TBC1D7: variants seen among roughly 807,000 people sequenced by gnomAD.
TBC1D7 encodes TBC domain family 7.
Under a neutral mutation model 35.3 loss-of-function variants are expected in TBC1D7, and 33 were observed. The ratio of observed to expected loss-of-function variants is 0.93; its 90% CI spans 0.71 to 1.25. The LOEUF (loss-of-function observed/expected upper bound fraction) is 1.25, where lower values mean the gene tolerates loss of function less well. Ranked by LOEUF, TBC1D7 falls within the 50% of genes most tolerant of loss-of-function variation. TBC1D7 has a pLI of 0.00. For missense variants in TBC1D7, 362 were observed against 365.3 expected, an observed-to-expected ratio of 0.99 and a Z score of 0.07; for synonymous variants, 135 against 129.5, an observed-to-expected ratio of 1.04 and a Z score of -0.29.
chr6:13,306,265 C>T, intron 7 of TBC1D7, 133 bp downstream of exon 7: 10 of 627,658 alleles, frequency 1.6e-5, no homozygotes, highest in Non-Finnish European at 2.5e-5. Flanking sequence ...TAATTATTCT[C>T]TGAAACATTC....
intron 5 of TBC1D7, among the ~76,000 whole-genome samples, chr6:13,315,348 T>A (rs891313366): frequency 6.6e-6 from 1 of 152,226 alleles, no homozygotes; most frequent in Admixed American, 6.5e-5. Flanking sequence ...TATTTAATTT[T>A]CCTTATGATT....
At chr6:13,325,380 C>T (rs998926463) in intron 2 of TBC1D7, among the ~76,000 whole-genome samples, 7 of 152,142 alleles carry the variant, frequency 4.6e-5, no homozygotes, top group African/African-American at 7.2e-5. Flanking sequence ...AAACAATTTG[C>T]GGCCAGGCAC....
intron 5 of TBC1D7, among the ~76,000 whole-genome samples, chr6:13,308,618 ACACT>A (rs1189006603): frequency 6.6e-6 from 1 of 152,212 alleles, no homozygotes; most frequent in African/African-American, 2.4e-5. Context: ...CCTAAAGTCC[ACACT>A]CACTATCTGC....
intron 5 of TBC1D7, among the ~76,000 whole-genome samples, chr6:13,312,872 G>T (rs1278888752): frequency 1.3e-5 from 2 of 150,564 alleles, no homozygotes; most frequent in Non-Finnish European, 2.9e-5. Flanking sequence ...TTCAACAAAC[G>T]TAAGGGATAA....
chr6:13,311,330 T>C (rs769372352), intron 5 of TBC1D7, among the ~76,000 whole-genome samples: 4 of 152,204 alleles, frequency 2.6e-5, no homozygotes, highest in Non-Finnish European at 5.9e-5. Context: ...CAGAATTCAA[T>C]TTGAAAAGCT....
At chr6:13,326,443 A>G (rs1784409889) in intron 2 of TBC1D7, among the ~76,000 whole-genome samples, 2 of 151,608 alleles carry the variant, frequency 1.3e-5, no homozygotes, top group African/African-American at 2.4e-5. Flanking sequence ...AGCCTGGGCA[A>G]CAGAGTCAGA....
At chr6:13,321,564 A>C (rs1309014654) in intron 3 of TBC1D7, among the ~76,000 whole-genome samples, 2 of 152,232 alleles carry the variant, frequency 1.3e-5, no homozygotes, top group African/African-American at 4.8e-5. Context: ...CCTATCCTCC[A>C]GGTCACAAAA....
At chr6:13,316,425 A>G in intron 5 of TBC1D7, 146 bp downstream of exon 5, 1 of 852,928 alleles carries the variant, frequency 1.2e-6, no homozygotes, top group Non-Finnish European at 1.8e-6. Flanking sequence ...TTTAGATTAT[A>G]TGGACTTTTA....
intron 5 of TBC1D7, among the ~76,000 whole-genome samples, chr6:13,315,880 C>T (rs113407107): frequency 0.014 from 2,115 of 152,300 alleles, 49 homozygotes; most frequent in African/African-American, 0.048. Flanking sequence ...TGGGTCAGTT[C>T]TCCTAAACCT....
At chr6:13,322,959 G>C (rs1254683379) in intron 3 of TBC1D7, among the ~76,000 whole-genome samples, 1 of 152,192 alleles carries the variant, frequency 6.6e-6, no homozygotes, top group African/African-American at 2.4e-5. Context: ...AGATCCCTAA[G>C]TAATCAAAAC....
chr6:13,313,431 A>T (rs938393372), intron 5 of TBC1D7, among the ~76,000 whole-genome samples: 3 of 152,316 alleles, frequency 2.0e-5, no homozygotes, highest in Middle Eastern at 3.4e-3. Context: ...TAGGAGCATA[A>T]ATTGATATGG....
intron 4 of TBC1D7, chr6:13,319,669 T>C (rs1462984548): frequency 6.6e-6 from 1 of 152,178 alleles, no homozygotes. Context: ...TTGTATGAGA[T>C]GTAACATTTG....
intron 5 of TBC1D7, among the ~76,000 whole-genome samples, chr6:13,308,928 C>T (rs1469432751): frequency 6.6e-6 from 1 of 152,222 alleles, no homozygotes; most frequent in African/African-American, 2.4e-5. Context: ...AAATCCTAAC[C>T]TGGGCTGTAG....
chr6:13,306,444 A>G lies in TBC1D7; in HGVS notation c.749T>C (p.Val250Ala), dbSNP rs1782813245. ...CTTCTCTGCACTGTTCAGTGCCATAACTTTTATTTTAAAGGTTAATAAAAT... is the reference window on the plus strand; with the variant it reads ...CTTCTCTGCACTGTTCAGTGCCATAGCTTTTATTTTAAAGGTTAATAAAAT... ...VEILLTFKIK[V>A]MALNSAEKIT... Residue 250 changes from valine (V) to alanine (A), a missense_variant, in exon 7 of 8, where the codon GTT becomes GCT. Val to Ala is a moderately conservative substitution (Grantham distance 64, BLOSUM62 0). Coordinates refer to ENST00000379300, the MANE Select transcript of TBC1D7 (RefSeq NM_016495.6). 6.2e-7 allele frequency: 1 copy of G among 1,609,638 alleles called. No individual in the cohort carries two copies. Among genetic ancestry groups the G allele is most frequent in the Admixed American group, 1.7e-5 (1 of 58,670 alleles).
At position 13,307,650 on chromosome 6, in the gene TBC1D7, G is replaced by A. The variant is rs1782900894; in HGVS notation, c.615C>T (p.Leu205=). The A allele has an allele frequency of 6.8e-6, 11 of 1,614,040 alleles. No homozygotes were observed. In the East Asian group the frequency reaches 2.4e-4, roughly 36 times the overall value. The change falls in exon 6 of 8, where the codon CTC becomes CTT. Residue 205 remains leucine (L), a synonymous_variant. Coordinates refer to ENST00000379300, the MANE Select transcript of TBC1D7 (RefSeq NM_016495.6). ...ATCCCGCAAAGCACCTCTTGAACCA[G>A]AGATCATAAGGAAGTTTGGGCGCCG... ...CSAAPKLPYD[L]WFKRCFAGCL... is the part of the protein sequence containing the mutation.
intron 5 of TBC1D7, among the ~76,000 whole-genome samples, chr6:13,308,520 G>T (rs902357002): frequency 6.6e-6 from 1 of 152,136 alleles, no homozygotes; most frequent in Non-Finnish European, 1.5e-5. Flanking sequence ...CCCAAACCTG[G>T]CCAAATCCAT....
At chr6:13,320,467 A>G in intron 4 of TBC1D7, 1 of 425,304 alleles carries the variant, frequency 2.4e-6, no homozygotes, top group Non-Finnish European at 4.2e-6. Flanking sequence ...GAAAAAAAAA[A>G]TGTGTTTAAA....
rs77493429 is a variant in TBC1D7, at chr6:13,307,970, T to C, written c.520-225A>G. On this transcript the variant is annotated intron_variant, in intron 5 of 7. Transcript: ENST00000379300. ...GGAGTTTCCCAGGACACAGGGCTCT[T>C]TCAGTGCTAAAACTGAGGCAGTCCC... 7.8e-3 allele frequency among the ~76,000 whole-genome samples: 1,187 copies of C among 152,282 alleles called. 12 individuals are homozygous for C. Among genetic ancestry groups the C allele is most frequent in the African/African-American group, 0.027 (1,126 of 41,556 alleles).
chr6:13,316,514 A>G (rs1442671776), intron 5 of TBC1D7, 57 bp downstream of exon 5: 18 of 1,568,998 alleles, frequency 1.1e-5, no homozygotes, highest in Non-Finnish European at 3.4e-6. Flanking sequence ...CACTCCCTGA[A>G]GACCCCCACT....
Sources: allele counts gnomAD v4.1 joint callset (sites outside exome capture counted in the v4.1 genomes callset), GRCh38; gene constraint gnomAD v4.1.1; transcripts MANE v1.5; gene names NCBI Gene and HGNC (gene_info 2026-07-23, HGNC 2026-07-21).